Variants in P3H2 observed in about 807,000 individuals in gnomAD.
P3H2 encodes prolyl 3-hydroxylase 2, also known as leprecan-like 1.
In P3H2, 80 loss-of-function variants were observed where a neutral mutation model predicts 87.0. The observed-to-expected ratio is 0.92, with a 90% confidence interval of 0.77 to 1.11. P3H2 has a LOEUF of 1.11. Ranked by LOEUF, P3H2 falls within the 50% of genes least tolerant of loss-of-function variation. P3H2 has a pLI of 0.00. For synonymous variants in P3H2, 367 were observed against 359.3 expected, an observed-to-expected ratio of 1.02 and a Z score of -0.24; for missense variants, 1,001 against 923.9, an observed-to-expected ratio of 1.08 and a Z score of -1.08.
At chr3:190,075,946 T>C (rs1726858648) in intron 1 of P3H2, among the ~76,000 whole-genome samples, 2 of 152,206 alleles carry the variant, frequency 1.3e-5, no homozygotes, top group South Asian at 4.1e-4. Context: ...TGCAGATGTA[T>C]CAACTACCTT....
At chr3:190,105,589 C>T (rs1424524652) in intron 1 of P3H2, among the ~76,000 whole-genome samples, 2 of 152,146 alleles carry the variant, frequency 1.3e-5, no homozygotes, top group Admixed American at 6.5e-5. Flanking sequence ...TTCACTGCCC[C>T]AAGATGAGGA....
Position 189,966,453 on chromosome 3 carries a change from C to T in P3H2, c.1894-2355G>A, listed in dbSNP as rs190332122. ...AAAAGAAGCTGTGAACTGTATGAGG[C>T]GGTTGGAACTGATTATAGCCGTGGA... On this transcript the variant is annotated intron_variant, in intron 13 of 14. Coordinates refer to ENST00000319332, the MANE Select transcript of P3H2 (RefSeq NM_018192.4). Among the ~76,000 whole-genome samples the T allele has an allele frequency of 1.5e-4, 23 of 152,294 alleles. No individual in the cohort carries two copies. In the East Asian group the frequency reaches 2.5e-3, roughly 17 times the overall value.
intron 1 of P3H2, among the ~76,000 whole-genome samples, chr3:190,100,600 C>T (rs1711592050): frequency 6.6e-6 from 1 of 152,040 alleles, no homozygotes; most frequent in African/African-American, 2.4e-5. Context: ...TATTATAAAG[C>T]CCTACAGAGT....
At chr3:190,070,600 A>G (rs1577308238) in intron 1 of P3H2, among the ~76,000 whole-genome samples, 1 of 152,304 alleles carries the variant, frequency 6.6e-6, no homozygotes, top group East Asian at 1.9e-4. Context: ...GTTCCATCAA[A>G]GAGGCAACGA....
At chr3:190,100,779 G>GT (rs1416828708) in intron 1 of P3H2, among the ~76,000 whole-genome samples, 3 of 152,052 alleles carry the variant, frequency 2.0e-5, no homozygotes, top group African/African-American at 7.2e-5. Flanking sequence ...AGAAAATGGT[G>GT]TTTTTGAAGT....
chr3:190,037,962 T>A (rs1202030184), intron 1 of P3H2, among the ~76,000 whole-genome samples: 1 of 152,132 alleles, frequency 6.6e-6, no homozygotes, highest in African/African-American at 2.4e-5. Context: ...TCCACTGATC[T>A]CAAAGATCTC....
chr3:189,987,718 A>G (rs375543523), intron 4 of P3H2, 49 bp from the exon 5 acceptor site: 277 of 1,611,246 alleles, frequency 1.7e-4, no homozygotes, highest in Non-Finnish European at 2.3e-4. Context: ...GGTCTGTCCA[A>G]AGGATTTTAA....
At chr3:190,028,388 C>T (rs924614777) in intron 1 of P3H2, among the ~76,000 whole-genome samples, 3 of 152,270 alleles carry the variant, frequency 2.0e-5, no homozygotes, top group East Asian at 1.9e-4. Context: ...TAGTGAAGGT[C>T]GGGACTGGGA....
chr3:189,986,807 C>T lies in P3H2; in HGVS notation c.1169G>A (p.Gly390Glu), dbSNP rs35904452. ...TCTTACCGGTTCAGTGTATGAAAAC[C>T]CCAGACCTTCTGCAGCTGATTTTAT... is the stretch of plus-strand genomic sequence containing the variant. Reference protein sequence around the residue: ...ELIKSAAEGLGFSYTEPNYWI... With the variant: ...ELIKSAAEGLEFSYTEPNYWI... Residue 390 changes from glycine (G) to glutamate (E), a missense_variant, in exon 6 of 15, where the codon GGG becomes GAG. By Grantham distance (98) the Gly-to-Glu change is moderately conservative. Coordinates refer to ENST00000319332, the MANE Select transcript of P3H2 (RefSeq NM_018192.4). The T allele has an allele frequency of 3.5e-4, 568 of 1,610,666 alleles. 6 individuals carry two copies. The highest frequency in any genetic ancestry group is 1.6e-4 in the Middle Eastern group (1 of 6,074).
Position 189,987,656 on chromosome 3 carries a change from C to A in P3H2, c.969G>T (p.Val323=). The part of the protein sequence containing the change: ...QFAYYRVGEY[V]KALECAKAYL... ...AGGCTTTGGCACACTCCAGGGCTTTCACATACTCACCAACTGAAAGACAAA... is the reference window on the plus strand; with the variant it reads ...AGGCTTTGGCACACTCCAGGGCTTTAACATACTCACCAACTGAAAGACAAA... The change falls in exon 5 of 15, where the codon GTG becomes GTT. Residue 323 remains valine, a synonymous_variant. Transcript: ENST00000319332. 2 of 1,614,100 alleles carry A rather than the reference C, an allele frequency of 1.2e-6. No individual in the cohort carries two copies. Among genetic ancestry groups the A allele is most frequent in the South Asian group, 2.2e-5 (2 of 91,086 alleles).
intron 1 of P3H2, among the ~76,000 whole-genome samples, chr3:190,006,552 C>T (rs928821874): frequency 3.3e-5 from 5 of 152,060 alleles, no homozygotes; most frequent in Admixed American, 1.3e-4. Context: ...TAAATATAGC[C>T]CAGTTAGGAC....
rs1318954974 is a variant in P3H2 at position 190,120,247 on chromosome 3, G to C, written c.480+5C>G. 1 of 1,609,534 alleles carries C rather than the reference G, an allele frequency of 6.2e-7. No homozygotes were observed. The highest frequency in any genetic ancestry group is 8.5e-7 in the Non-Finnish European group (1 of 1,178,790). On this transcript the variant is annotated splice_donor_5th_base_variant and intron_variant, in intron 1 of 14. Coordinates refer to ENST00000319332, the MANE Select transcript of P3H2 (RefSeq NM_018192.4). ...CTTTGCAGTGGAGGAGCGCTCTGTG[G>C]GTACCTTGATGTAGGCCCGCTGCAG...
At chr3:190,092,062 G>A (rs935548275) in intron 1 of P3H2, among the ~76,000 whole-genome samples, 5 of 151,946 alleles carry the variant, frequency 3.3e-5, no homozygotes, top group Admixed American at 1.3e-4. Flanking sequence ...GTGAAACCCC[G>A]TCTCCACTAA....
intron 1 of P3H2, among the ~76,000 whole-genome samples, chr3:190,066,542 C>T (rs1726511488): frequency 6.6e-6 from 1 of 152,010 alleles, no homozygotes; most frequent in Non-Finnish European, 1.5e-5. Flanking sequence ...TCAGTGTATA[C>T]TGCTCAGGTG....
chr3:190,035,329 C>A (rs1159716763), intron 1 of P3H2, among the ~76,000 whole-genome samples: 1 of 152,086 alleles, frequency 6.6e-6, no homozygotes, highest in East Asian at 1.9e-4. Context: ...CTGGTTCATT[C>A]TATTTAATAG....
At chr3:190,121,058 T>C (rs1229413989), upstream of P3H2, 1 of 347,630 alleles carries the variant, frequency 2.9e-6, no homozygotes, top group Non-Finnish European at 5.2e-6. Context: ...CTAGCGCCGC[T>C]TGAGGCCGGC....
At chr3:189,993,622 C>T (rs1024982297) in intron 3 of P3H2, among the ~76,000 whole-genome samples, 3 of 152,070 alleles carry the variant, frequency 2.0e-5, no homozygotes, top group Admixed American at 6.6e-5. Flanking sequence ...GTGTTCACTA[C>T]TACATTGTTT....
intron 1 of P3H2, among the ~76,000 whole-genome samples, chr3:190,105,750 T>A (rs1711808129): frequency 2.0e-5 from 3 of 152,228 alleles, no homozygotes; most frequent in African/African-American, 7.2e-5. Flanking sequence ...TCCACTAAAG[T>A]ATTTTAGCAT....
chr3:189,957,399 G>T lies in P3H2; in HGVS notation c.*513C>A. On this transcript the variant is annotated 3_prime_UTR_variant, in exon 15 of 15. Transcript: ENST00000319332. ...GTGAGAGTTGTAGTTTCACCACCAA[G>T]AAGCTTATTCTCTCTAAGCTTTTGA... The T allele has an allele frequency of 2.6e-6, 1 of 391,112 alleles. No individual in the cohort carries two copies. Among genetic ancestry groups the T allele is most frequent in the East Asian group, 3.7e-5 (1 of 26,714 alleles). 24.2% of individuals were successfully genotyped at this position (391,112 alleles called of 1,614,324 possible).
Sources: allele counts gnomAD v4.1 joint callset (sites outside exome capture counted in the v4.1 genomes callset), GRCh38; gene constraint gnomAD v4.1.1; transcripts MANE v1.5; gene names NCBI Gene and HGNC (gene_info 2026-07-23, HGNC 2026-07-21).